AARS1: variants seen among roughly 807,000 people sequenced by gnomAD.
AARS1 encodes the protein alanyl-tRNA synthetase 1.
Under a neutral mutation model 108.9 loss-of-function variants are expected in AARS1, and 72 were observed. The ratio of observed to expected loss-of-function variants is 0.66; its 90% CI spans 0.55 to 0.80. The LOEUF (loss-of-function observed/expected upper bound fraction) is 0.80, where lower values mean the gene tolerates loss of function less well. AARS1 is among the 30% of genes least tolerant of loss of function. The pLI, the probability that AARS1 is intolerant of heterozygous loss-of-function variation, is 0.00. For missense variants in AARS1, 1,193 were observed against 1,233.2 expected (o/e 0.97, Z 0.49); for synonymous variants, 489 against 465.7 (o/e 1.05, Z -0.64).
rs181038012 is a variant in AARS1, at chr16:70,276,702, C to T, written c.334-71G>A. ...AATCTATTTAGTATGAGACCAGATGCTAGGAACACAGATACAAAATCACAA... is the reference window on the plus strand; with the variant it reads ...AATCTATTTAGTATGAGACCAGATGTTAGGAACACAGATACAAAATCACAA... On this transcript the variant is annotated intron_variant, in intron 3 of 20. Coordinates refer to ENST00000261772, the MANE Select transcript of AARS1 (RefSeq NM_001605.3). 366 of 1,508,944 alleles carry T rather than the reference C, an allele frequency of 2.4e-4. No individual in the cohort carries two copies. The African/African-American group carries it at 4.5e-3, about 19-fold the overall frequency. The allele number at this position is 1,508,944 out of a possible 1,614,324, so 93.5% of individuals were successfully genotyped here.
chr16:70,267,352 CAG>C (rs1306087276), intron 9 of AARS1, among the ~76,000 whole-genome samples: 1 of 151,680 alleles, frequency 6.6e-6, no homozygotes, highest in African/African-American at 2.4e-5. Context: ...TGCATGCAAA[CAG>C]AGAAGAATCC....
chr16:70,288,103 T>A, intron 1 of AARS1, among the ~76,000 whole-genome samples: 1 of 137,184 alleles, frequency 7.3e-6, no homozygotes, highest in East Asian at 2.2e-4. Context: ...TTCTTCTTTT[T>A]TTTTTTTTTT....
chr16:70,282,930 A>G, intron 1 of AARS1, 146 bp from the exon 2 acceptor site: 1 of 785,194 alleles, frequency 1.3e-6, no homozygotes, highest in Non-Finnish European at 2.1e-6. Flanking sequence ...GTAATGTCCA[A>G]GGCTAAAATC....
chr16:70,282,217 T>C (rs925840181), intron 2 of AARS1, among the ~76,000 whole-genome samples: 11 of 150,652 alleles, frequency 7.3e-5, no homozygotes, highest in African/African-American at 2.4e-4. Context: ...TAGTCCCAGC[T>C]ACTCGGGAGG....
intron 9 of AARS1, among the ~76,000 whole-genome samples, chr16:70,266,802 G>A (rs952394073): frequency 2.0e-5 from 3 of 151,824 alleles, no homozygotes; most frequent in Non-Finnish European, 4.4e-5. Context: ...GATTAAAGGT[G>A]TGAGCCACTG....
intron 3 of AARS1, 126 bp downstream of exon 3, chr16:70,276,840 C>T (rs1232050077): frequency 4.1e-6 from 5 of 1,218,372 alleles, no homozygotes; most frequent in Non-Finnish European, 5.9e-6. Context: ...TTAATAAATG[C>T]CATTCATTCC....
rs1353286440 is a variant in AARS1, at chr16:70,252,476, A to C, written c.*245T>G. 1 of 566,286 alleles carries C rather than the reference A, an allele frequency of 1.8e-6. No individual in the cohort carries two copies. Among genetic ancestry groups the C allele is most frequent in the African/African-American group, 1.9e-5 (1 of 53,286 alleles). 35.1% of individuals were successfully genotyped at this position (566,286 alleles called of 1,614,324 possible). ...GCTCAGGTCTGGAGAGCCGTTATCT[A>C]TAGATGCGAGCGTGACGATCAACAG... On this transcript the variant is annotated 3_prime_UTR_variant, in exon 21 of 21. Transcript: ENST00000261772.
chr16:70,261,167 G>C lies in AARS1; in HGVS notation c.1672-10C>G. 1 of 1,593,068 alleles carries C rather than the reference G, an allele frequency of 6.3e-7. No individual in the cohort carries two copies. ...CTGTAAACTCTGTTTTCTAAGAGGG[G>C]TCAAGGAAGAGACCAATAAATAAAT... On this transcript the variant is annotated splice_polypyrimidine_tract_variant and intron_variant, in intron 12 of 20. Transcript: ENST00000261772.
intron 13 of AARS1, among the ~76,000 whole-genome samples, chr16:70,260,065 C>T (rs964427120): frequency 2.0e-5 from 3 of 152,192 alleles, no homozygotes; most frequent in Admixed American, 2.0e-4. Flanking sequence ...AGCCACTGTG[C>T]CCAGCCATAA....
At position 70,268,141 on chromosome 16, in the gene AARS1, G is replaced by A. The variant is rs746006120; in HGVS notation, c.1071+130C>T. On this transcript the variant is annotated intron_variant, in intron 8 of 20. Coordinates refer to ENST00000261772, the MANE Select transcript of AARS1 (RefSeq NM_001605.3). ...CAAGATCACTCTATTGCACTCCAGC[G>A]TGGGTGACAGAGTGAGACTCCGTCT... is the stretch of plus-strand genomic sequence containing the variant. 1.8e-5 allele frequency: 16 copies of A among 877,438 alleles called. No homozygotes were observed. In the East Asian group the frequency reaches 2.4e-4, roughly 13 times the overall value. The allele number at this position is 877,438 out of a possible 1,614,324, so 54.4% of individuals were successfully genotyped here.
Position 70,255,746 on chromosome 16 carries a change from T to C in AARS1, c.2268A>G (p.Thr756=), listed in dbSNP as rs760153222. ...TGCTCACCTTCTGGGCCTCGGCACC[T>C]GTGACAGCCACAATCCTCCGGATAC... ...AKGIRRIVAV[T]GAEAQKALRK... Residue 756 remains threonine (T), a synonymous_variant, in exon 16 of 21, where the codon ACA becomes ACG. Transcript: ENST00000261772. 1 of 1,614,152 alleles carries C rather than the reference T, an allele frequency of 6.2e-7. No homozygotes were observed. The highest frequency in any genetic ancestry group is 2.2e-5 in the East Asian group (1 of 44,880).
chr16:70,255,614 G>T, intron 16 of AARS1, 114 bp downstream of exon 16: 1 of 955,612 alleles, frequency 1.0e-6, no homozygotes, highest in Non-Finnish European at 1.6e-6. Flanking sequence ...GGCCCAGCCT[G>T]TACTTTCACT....
rs1360490879 is a variant in AARS1, at chr16:70,286,148, G to A, written c.-22+3273C>T. Among the ~76,000 whole-genome samples the A allele has an allele frequency of 2.0e-5, 3 of 152,002 alleles. No individual in the cohort carries two copies. The South Asian group carries it at 6.2e-4, about 32-fold the overall frequency. On this transcript the variant is annotated intron_variant, in intron 1 of 20. Transcript: ENST00000261772. Reference sequence around the variant, plus strand: ...AAAAGCTGTATCCCCACATTCATTTGTTTACCCCCATTTATTTATTCAATC... The same window carrying A: ...AAAAGCTGTATCCCCACATTCATTTATTTACCCCCATTTATTTATTCAATC...
intron 15 of AARS1, 139 bp from the exon 16 acceptor site, chr16:70,255,975 C>T (rs935222618): frequency 8.6e-5 from 65 of 755,206 alleles, no homozygotes; most frequent in Non-Finnish European, 1.3e-4. Flanking sequence ...TGACACCAAG[C>T]GGGACACCAG....
intron 7 of AARS1, among the ~76,000 whole-genome samples, chr16:70,268,749 A>G (rs1960324364): frequency 6.6e-6 from 1 of 152,174 alleles, no homozygotes; most frequent in East Asian, 1.9e-4. Flanking sequence ...ATCTCCTATC[A>G]GGCAACTTTG....
rs1233940632 is a variant in AARS1 at position 70,284,369 on chromosome 16, G to A, written c.-21-1585C>T. Among the ~76,000 whole-genome samples, 5 of 150,560 alleles carry A rather than the reference G, an allele frequency of 3.3e-5. 1 individual carries two copies. Among genetic ancestry groups the A allele is most frequent in the South Asian group, 4.2e-4 (2 of 4,736 alleles). ...TGTAATCCCAGCACTTTGAGAGGCC[G>A]AGGCAGGCGGATCACGAGGTCAGGA... On this transcript the variant is annotated intron_variant, in intron 1 of 20. Coordinates refer to ENST00000261772, the MANE Select transcript of AARS1 (RefSeq NM_001605.3).
In AARS1 at chr16:70,269,209, A is replaced by G. The variant is rs190952808; in HGVS notation, c.962+409T>C. On this transcript the variant is annotated intron_variant, in intron 7 of 20. Coordinates refer to ENST00000261772, the MANE Select transcript of AARS1 (RefSeq NM_001605.3). ...GTGGCTCATGCCTGTAATCCCATCT[A>G]TTCGGGAGGCTGAGGGAAAAGAATT... is the stretch of plus-strand genomic sequence containing the variant. 7.2e-5 allele frequency among the ~76,000 whole-genome samples: 11 copies of G among 151,796 alleles called. No individual in the cohort carries two copies. In the East Asian group the frequency reaches 1.9e-3, roughly 27 times the overall value.
At chr16:70,285,096 G>A (rs1359415934) in intron 1 of AARS1, among the ~76,000 whole-genome samples, 1 of 152,130 alleles carries the variant, frequency 6.6e-6, no homozygotes, top group Non-Finnish European at 1.5e-5. Flanking sequence ...GGGAATGATG[G>A]CGAGTGCCTG....
In AARS1 at chr16:70,257,989, T is replaced by C. The variant is rs147301964; in HGVS notation, c.2177+44A>G. The stretch of plus-strand genomic sequence containing the variant: ...GCCTAAGACCTACATCCTCAGAGGA[T>C]GAAGGTAGATGACCTGTCTACTCTG... On this transcript the variant is annotated intron_variant, in intron 15 of 20. Transcript: ENST00000261772. The C allele has an allele frequency of 1.6e-4, 251 of 1,605,832 alleles. No homozygotes were observed. The East Asian group carries it at 5.5e-3, about 35-fold the overall frequency.
Sources: gnomAD v4.1 joint callset for allele counts (sites outside exome capture counted in the v4.1 genomes callset) on GRCh38, gnomAD v4.1.1 for gene constraint, MANE v1.5 for transcripts, NCBI Gene and HGNC (gene_info 2026-07-23, HGNC 2026-07-21) for gene names.